The following LTN1 variants were observed in gnomAD, a reference collection of about 807,000 sequenced individuals.
The protein encoded by LTN1 is E3 ubiquitin-protein ligase listerin.
LTN1 carries 88 observed loss-of-function variants against 201.2 expected under a neutral mutation model. The ratio of observed to expected loss-of-function variants is 0.44; its 90% CI spans 0.37 to 0.52. The LOEUF is 0.52. Ranked by LOEUF, LTN1 falls within the 20% of genes least tolerant of loss-of-function variation. LTN1 has a pLI of 0.00. For synonymous variants in LTN1, 645 were observed against 713.5 expected, an observed-to-expected ratio of 0.90 and a Z score of 1.53; for missense variants, 1,752 against 2,038.7, an observed-to-expected ratio of 0.86 and a Z score of 2.71.
chr21:28,968,943 G>A (rs995635888), intron 9 of LTN1, among the ~76,000 whole-genome samples: 5 of 151,182 alleles, frequency 3.3e-5, no homozygotes, highest in East Asian at 2.0e-4. Flanking sequence ...TTTACAGGCC[G>A]GGCGCGGTGG....
At chr21:28,989,067 ATT>A (rs2084724952) in intron 1 of LTN1, among the ~76,000 whole-genome samples, 1 of 152,172 alleles carries the variant, frequency 6.6e-6, no homozygotes, top group African/African-American at 2.4e-5. Flanking sequence ...TAATTATTCA[ATT>A]CACCTTTCTC....
chr21:28,970,719 T>C lies in LTN1; in HGVS notation c.1008A>G (p.Ala336=). The C allele has an allele frequency of 6.2e-7, 1 of 1,613,876 alleles. No individual in the cohort carries two copies. The highest frequency in any genetic ancestry group is 2.2e-5 in the East Asian group (1 of 44,862). ...ATAGCTTGGGAAACACACTCTTTTT[T>C]GCATTTACATGAAGCCAACAGTCCT... ...TIEDCWLHVN[A]KKSVFPKLST... is the part of the protein sequence containing the mutation. The change falls in exon 8 of 30, where the codon GCA becomes GCG. Residue 336 remains alanine, a synonymous_variant. Transcript: ENST00000361371.
Position 28,935,110 on chromosome 21 carries a change from G to A in LTN1, c.4874C>T (p.Thr1625Met), listed in dbSNP as rs367755686. ...AGAGAAAGTCAAGACAATACTAACC[G>A]TCATGCCATTAAATAGTTGTGTACT... ...QTSTQLFNGM[T>M]VKARATTREV... The change falls in exon 27 of 30, where the codon ACG becomes ATG. Residue 1625 changes from threonine to methionine, a missense_variant and splice_region_variant. By Grantham distance (81) the Thr-to-Met change is moderately conservative (BLOSUM62 -1). Transcript: ENST00000361371. 14 of 1,592,006 alleles carry A rather than the reference G, an allele frequency of 8.8e-6. No homozygotes were observed. The highest frequency in any genetic ancestry group is 7.7e-5 in the South Asian group (7 of 90,566).
Position 28,958,455 on chromosome 21 carries a change from C to G in LTN1, c.2678G>C (p.Ser893Thr). The change falls in exon 14 of 30, where the codon AGT becomes ACT. Residue 893 changes from serine (S) to threonine (T), a missense_variant. Around this residue, in one of 3 missense-constraint regions of LTN1, gnomAD observed 1,211 missense variants for 1,312.8 expected, o/e 0.92. Coordinates refer to ENST00000361371, the MANE Select transcript of LTN1 (RefSeq NM_015565.3). ...CAGAGCAGACAAATGTAGGAAGGTACTCTCTTTATATGAACTGTCAGTTTG... is the reference window on the plus strand; with the variant it reads ...CAGAGCAGACAAATGTAGGAAGGTAGTCTCTTTATATGAACTGTCAGTTTG... ...VHQTDSSYKE[S>T]TFLHLSALWL... The G allele has an allele frequency of 6.2e-7, 1 of 1,612,034 alleles. No individual in the cohort carries two copies. The highest frequency in any genetic ancestry group is 8.5e-7 in the Non-Finnish European group (1 of 1,179,032).
intron 5 of LTN1, among the ~76,000 whole-genome samples, chr21:28,981,533 G>A (rs908152460): frequency 3.3e-5 from 5 of 152,138 alleles, no homozygotes; most frequent in East Asian, 1.9e-4. Flanking sequence ...CTTGCAATAA[G>A]TGAGAAAGTA....
intron 8 of LTN1, among the ~76,000 whole-genome samples, chr21:28,969,988 T>C (rs1322686221): frequency 6.6e-6 from 1 of 152,124 alleles, no homozygotes; most frequent in Non-Finnish European, 1.5e-5. Flanking sequence ...GAGATATTAA[T>C]TTTCTATTCA....
At chr21:28,933,922 C>T (rs188628153) in intron 27 of LTN1, among the ~76,000 whole-genome samples, 10 of 152,184 alleles carry the variant, frequency 6.6e-5, no homozygotes, top group African/African-American at 2.2e-4. Flanking sequence ...GTGGTCTGCC[C>T]GCCTCGGCCT....
At chr21:28,940,333 G>C (rs1453705024) in intron 25 of LTN1, among the ~76,000 whole-genome samples, 4 of 152,286 alleles carry the variant, frequency 2.6e-5, no homozygotes, top group Non-Finnish European at 4.4e-5. Context: ...GATCTTTCCA[G>C]TTTCTTCTTG....
At chr21:28,947,914 G>C (rs546097092) in intron 18 of LTN1, among the ~76,000 whole-genome samples, 2 of 149,516 alleles carry the variant, frequency 1.3e-5, no homozygotes, top group African/African-American at 2.4e-5. Context: ...AGTCAATTGC[G>C]GGGTGCGGTG....
intron 1 of LTN1, 91 bp downstream of exon 1, chr21:28,992,673 C>G: frequency 6.8e-7 from 1 of 1,461,228 alleles, no homozygotes; most frequent in Non-Finnish European, 9.5e-7. Flanking sequence ...CTCCCTACAG[C>G]CGCGCTCCAC....
chr21:28,960,947 C>T lies in LTN1; in HGVS notation c.2164-241G>A, dbSNP rs558637375. On this transcript the variant is annotated intron_variant, in intron 11 of 29. Transcript: ENST00000361371. ...GCCATAAATATTCCCCCACCCCCCC[C>T]TTTTTTTTTTAACTTAAAATCCCAT... 820 of 279,646 alleles carry T rather than the reference C, an allele frequency of 2.9e-3. 8 individuals carry two copies. The highest frequency in any genetic ancestry group is 0.016 in the African/African-American group (685 of 42,500). 17.3% of individuals were successfully genotyped at this position (279,646 alleles called of 1,614,324 possible).
chr21:28,941,443 A>G (rs2084297043), intron 24 of LTN1, 37 bp from the exon 25 acceptor site: 1 of 1,454,904 alleles, frequency 6.9e-7, no homozygotes, highest in East Asian at 2.3e-5. Flanking sequence ...AGTTTTCTTT[A>G]TAATTCATTC....
At chr21:28,987,592 A>G (rs1212045255) in intron 1 of LTN1, among the ~76,000 whole-genome samples, 1 of 152,238 alleles carries the variant, frequency 6.6e-6, no homozygotes, top group Non-Finnish European at 1.5e-5. Flanking sequence ...TCAATCTATA[A>G]TACAGACTCC....
chr21:28,936,495 A>G, intron 26 of LTN1, 31 bp downstream of exon 26: 1 of 1,557,904 alleles, frequency 6.4e-7, no homozygotes, highest in Non-Finnish European at 8.7e-7. Flanking sequence ...TCTAGTGTCC[A>G]AGAAAGAACA....
intron 24 of LTN1, 66 bp from the exon 25 acceptor site, chr21:28,941,472 C>G (rs2084297325): frequency 1.6e-6 from 2 of 1,264,044 alleles, no homozygotes; most frequent in Non-Finnish European, 1.1e-6. Context: ...ATTGACAGTA[C>G]TTGTAAACTT....
At position 28,981,136 on chromosome 21, in the gene LTN1, T is replaced by C. The variant is rs766465658; in HGVS notation, c.793A>G (p.Lys265Glu). 6.4e-7 allele frequency: 1 copy of C among 1,564,456 alleles called. No homozygotes were observed. The highest frequency in any genetic ancestry group is 1.2e-5 in the South Asian group (1 of 82,070). The change falls in exon 6 of 30, where the codon AAA becomes GAA. Residue 265 changes from lysine to glutamate, a missense_variant. Coordinates refer to ENST00000361371, the MANE Select transcript of LTN1 (RefSeq NM_015565.3). ...LSQNKFWKYG[K>E]HSVPQIRSAY... ...TAATATACCTGAGGTACACTGTGTT[T>C]TCCATACTTCCAAAACTTATTCTGT...
chr21:28,946,097 A>C (rs1038401165), intron 20 of LTN1, 55 bp downstream of exon 20: 2 of 1,499,924 alleles, frequency 1.3e-6, no homozygotes, highest in African/African-American at 1.4e-5. Context: ...ACAGATACGT[A>C]ATCTTTGTCT....
chr21:28,941,059 AGAGT>A (rs980360116), intron 25 of LTN1, among the ~76,000 whole-genome samples, 157 bp downstream of exon 25: 2 of 152,260 alleles, frequency 1.3e-5, no homozygotes, highest in African/African-American at 4.8e-5. Context: ...CACAGGCAAC[AGAGT>A]GAGACCCTGT....
intron 1 of LTN1, among the ~76,000 whole-genome samples, chr21:28,990,416 A>G (rs1568861856): frequency 6.6e-6 from 1 of 152,250 alleles, no homozygotes; most frequent in Non-Finnish European, 1.5e-5. Context: ...TAATTAATTC[A>G]TTAGTTGGGT....
Sources: allele counts gnomAD v4.1 joint callset (sites outside exome capture counted in the v4.1 genomes callset), GRCh38; gene constraint gnomAD v4.1.1; regional missense constraint gnomAD v4.1.1; transcripts MANE v1.5; gene names NCBI Gene and HGNC (gene_info 2026-07-23, HGNC 2026-07-21).